FGGY: variants seen among roughly 807,000 people sequenced by gnomAD.
The protein encoded by FGGY is FGGY carbohydrate kinase domain containing.
FGGY carries 72 observed loss-of-function variants against 71.3 expected under a neutral mutation model. That is an observed-to-expected ratio of 1.01 (90% CI 0.84 to 1.23). The LOEUF (loss-of-function observed/expected upper bound fraction) is 1.23, where lower values mean the gene tolerates loss of function less well. Among genes scored for constraint, FGGY ranks in the 50% most tolerant of loss-of-function variants. The probability of loss-of-function intolerance (pLI) is 0.00; values close to 1 mark genes in which losing one functional copy is unlikely to be tolerated. For synonymous variants in FGGY, 251 were observed against 250.3 expected, an observed-to-expected ratio of 1.00 and a Z score of -0.02; for missense variants, 668 against 682.3, an observed-to-expected ratio of 0.98 and a Z score of 0.23.
intron 5 of FGGY, chr1:59,393,424 G>A (rs965784100): frequency 6.6e-6 from 1 of 152,200 alleles, no homozygotes; most frequent in Admixed American, 6.5e-5. Context: ...CCAAGGCAAT[G>A]TGTCTTAATT....
At chr1:59,446,686 T>C (rs1313399715) in intron 5 of FGGY, among the ~76,000 whole-genome samples, 1 of 152,196 alleles carries the variant, frequency 6.6e-6, no homozygotes, top group Non-Finnish European at 1.5e-5. Flanking sequence ...CAGAGGCCTG[T>C]GATGTACCAA....
intron 4 of FGGY, among the ~76,000 whole-genome samples, chr1:59,366,729 C>A (rs2056660666): frequency 6.6e-6 from 1 of 151,718 alleles, no homozygotes; most frequent in African/African-American, 2.4e-5. Flanking sequence ...TCTTGCCCTT[C>A]AGAAGTTTGT....
At chr1:59,671,665 T>A (rs79202135) in intron 13 of FGGY, among the ~76,000 whole-genome samples, 2,337 of 152,328 alleles carry the variant, frequency 0.015, 26 homozygotes, top group Middle Eastern at 0.071. Flanking sequence ...CTAATGCTAA[T>A]TTAGTGCTTT....
intron 14 of FGGY, among the ~76,000 whole-genome samples, chr1:59,745,395 A>G (rs1437244138): frequency 6.6e-6 from 1 of 152,212 alleles, no homozygotes; most frequent in Non-Finnish European, 1.5e-5. Flanking sequence ...TGACTAACCA[A>G]CATCCCTTGC....
intron 14 of FGGY, among the ~76,000 whole-genome samples, chr1:59,695,602 C>G (rs573981020): frequency 1.3e-5 from 2 of 152,298 alleles, no homozygotes; most frequent in South Asian, 4.1e-4. Flanking sequence ...GCAGTATCCT[C>G]AGTTTACAAA....
chr1:59,520,048 C>T (rs1415050637), intron 7 of FGGY, among the ~76,000 whole-genome samples: 3 of 152,174 alleles, frequency 2.0e-5, no homozygotes, highest in African/African-American at 7.2e-5. Flanking sequence ...CCTTACAATG[C>T]CCAGGCCAAC....
At chr1:59,352,511 C>G (rs77071359) in intron 4 of FGGY, among the ~76,000 whole-genome samples, 1 of 152,138 alleles carries the variant, frequency 6.6e-6, no homozygotes, top group African/African-American at 2.4e-5. Flanking sequence ...GCTTCTCTCT[C>G]CCCTGTCTGT....
chr1:59,668,181 A>T (rs2097342367), intron 13 of FGGY, among the ~76,000 whole-genome samples: 1 of 152,122 alleles, frequency 6.6e-6, no homozygotes, highest in Non-Finnish European at 1.5e-5. Context: ...GACCCAAGGA[A>T]GGGGCCCCAT....
rs992083801 is a variant in FGGY, at chr1:59,397,072, T to C, written c.554+18235T>C. 3.2e-4 allele frequency among the ~76,000 whole-genome samples: 49 copies of C among 151,178 alleles called. 1 individual carries two copies. Among genetic ancestry groups the C allele is most frequent in the Admixed American group, 5.9e-4 (9 of 15,132 alleles). On this transcript the variant is annotated intron_variant, in intron 5 of 15. Coordinates refer to ENST00000303721, the MANE Select transcript of FGGY (RefSeq NM_018291.5). ...TTTTTAAAAGAAAGGTATCTAAAAG[T>C]GATTTAACAATGTCAGGATTTAGAC...
At chr1:59,567,010 T>C (rs2095884206) in intron 8 of FGGY, among the ~76,000 whole-genome samples, 1 of 152,172 alleles carries the variant, frequency 6.6e-6, no homozygotes, top group Non-Finnish European at 1.5e-5. Context: ...ATAATAGGTG[T>C]CCGTTAAATA....
chr1:59,603,120 C>T (rs756748452), intron 8 of FGGY, among the ~76,000 whole-genome samples: 1 of 152,110 alleles, frequency 6.6e-6, no homozygotes, highest in Admixed American at 6.5e-5. Flanking sequence ...CCAGTATTCC[C>T]ACCACCAAAC....
At chr1:59,306,937 G>T (rs1436300271) in intron 1 of FGGY, among the ~76,000 whole-genome samples, 1 of 152,174 alleles carries the variant, frequency 6.6e-6, no homozygotes, top group Non-Finnish European at 1.5e-5. Flanking sequence ...CTGCTAAACA[G>T]GCTATGGGAG....
chr1:59,636,605 G>A (rs1968547), intron 10 of FGGY, among the ~76,000 whole-genome samples: 4,015 of 152,122 alleles, frequency 0.026, 190 homozygotes, highest in African/African-American at 0.091. Flanking sequence ...CTTGGTGACA[G>A]AGCAAGATTC....
At chr1:59,433,480 T>C (rs2153463272) in intron 5 of FGGY, among the ~76,000 whole-genome samples, 1 of 152,282 alleles carries the variant, frequency 6.6e-6, no homozygotes, top group Middle Eastern at 3.4e-3. Flanking sequence ...GTGGCTGCAA[T>C]GATCTCAGTG....
At chr1:59,456,529 AGCT>A (rs2091714684) in intron 5 of FGGY, among the ~76,000 whole-genome samples, 1 of 151,146 alleles carries the variant, frequency 6.6e-6, no homozygotes, top group Non-Finnish European at 1.5e-5. Flanking sequence ...GCTCACTGCA[AGCT>A]CTGCCTCCTG....
At chr1:59,530,133 T>C (rs1382593238) in intron 7 of FGGY, among the ~76,000 whole-genome samples, 5 of 152,128 alleles carry the variant, frequency 3.3e-5, no homozygotes, top group Admixed American at 1.3e-4. Flanking sequence ...TACTCACTCA[T>C]TTAAAGTAGA....
chr1:59,478,659 A>G (rs937501093), intron 6 of FGGY, among the ~76,000 whole-genome samples: 1 of 134,854 alleles, frequency 7.4e-6, no homozygotes, highest in Admixed American at 7.4e-5. Context: ...ATAAAAACAT[A>G]GAGTAGACAT....
chr1:59,733,243 A>G (rs1052286499), intron 14 of FGGY: 1 of 153,978 alleles, frequency 6.5e-6, no homozygotes. Flanking sequence ...GCATCAAGCC[A>G]GAAGACACGA....
At chr1:59,651,592 T>A (rs1052366339) in intron 11 of FGGY, among the ~76,000 whole-genome samples, 1 of 149,706 alleles carries the variant, frequency 6.7e-6, no homozygotes, top group African/African-American at 2.5e-5. Flanking sequence ...TTTTTTTGTT[T>A]TCCATTTGCT....
Sources: gnomAD v4.1 joint callset for allele counts (sites outside exome capture counted in the v4.1 genomes callset) on GRCh38, gnomAD v4.1.1 for gene constraint, MANE v1.5 for transcripts, NCBI Gene and HGNC (gene_info 2026-07-23, HGNC 2026-07-21) for gene names.